PKIA: variants seen among roughly 807,000 people sequenced by gnomAD.
PKIA encodes cAMP-dependent protein kinase inhibitor alpha.
Under a neutral mutation model 7.6 loss-of-function variants are expected in PKIA, and 4 were observed. The ratio of observed to expected loss-of-function variants is 0.52; its 90% confidence interval spans 0.26 to 1.20. PKIA has a LOEUF of 1.20. PKIA is among the 50% of genes most tolerant of loss of function. PKIA has a pLI of 0.13. For missense variants in PKIA, 73 were observed against 86.2 expected, an observed-to-expected ratio of 0.85 and a Z score of 0.61; for synonymous variants, 21 against 30.7, an observed-to-expected ratio of 0.68 and a Z score of 1.04.
intron 1 of PKIA, among the ~76,000 whole-genome samples, chr8:78,528,738 G>C (rs1017880056): frequency 2.0e-5 from 3 of 151,580 alleles, no homozygotes; most frequent in Admixed American, 1.3e-4. Flanking sequence ...TGGCCAAGGT[G>C]GGGGGATCAC....
intron 2 of PKIA, among the ~76,000 whole-genome samples, chr8:78,593,224 G>A (rs1414477965): frequency 6.6e-6 from 1 of 152,162 alleles, no homozygotes. Context: ...CCGGGTTCAA[G>A]CGATTCTCCT....
chr8:78,572,517 A>T (rs1348471521), intron 1 of PKIA, among the ~76,000 whole-genome samples: 1 of 135,076 alleles, frequency 7.4e-6, no homozygotes, highest in Non-Finnish European at 1.6e-5. Flanking sequence ...TTTCCCCACC[A>T]CCCCATCACA....
intron 1 of PKIA, among the ~76,000 whole-genome samples, chr8:78,531,473 G>T (rs1806384217): frequency 6.6e-6 from 1 of 152,090 alleles, no homozygotes; most frequent in African/African-American, 2.4e-5. Flanking sequence ...ATTCATAGAA[G>T]TGAAAAATAA....
In PKIA at chr8:78,598,547, G is replaced by C. The variant is rs1563595637; in HGVS notation, c.151+12G>C. 4 of 1,598,260 alleles carry C rather than the reference G, an allele frequency of 2.5e-6. No homozygotes were observed. Among genetic ancestry groups the C allele is most frequent in the Non-Finnish European group, 3.4e-6 (4 of 1,168,892 alleles). ...TATCAACAAGACAGGTAAGTCATCT[G>C]GCACACATTTCTCTATGAGCATGGA... On this transcript the variant is annotated intron_variant, in intron 3 of 3. Coordinates refer to ENST00000396418, the MANE Select transcript of PKIA (RefSeq NM_006823.4).
chr8:78,542,162 C>CA (rs1200102485), intron 1 of PKIA, among the ~76,000 whole-genome samples: 1 of 152,026 alleles, frequency 6.6e-6, no homozygotes, highest in Non-Finnish European at 1.5e-5. Flanking sequence ...GACCCTGTCT[C>CA]AAAAAATACA....
chr8:78,572,502 A>G (rs1451246543), intron 1 of PKIA, among the ~76,000 whole-genome samples: 1 of 150,044 alleles, frequency 6.7e-6, no homozygotes, highest in Non-Finnish European at 1.5e-5. Context: ...TAGTCAACAG[A>G]TTTCTTTCCC....
chr8:78,539,457 A>G (rs566794711), intron 1 of PKIA, among the ~76,000 whole-genome samples: 2 of 152,222 alleles, frequency 1.3e-5, no homozygotes, highest in African/African-American at 4.8e-5. Context: ...ATTGATAAGT[A>G]TATTTTCTCC....
At chr8:78,575,902 T>C (rs1807663343) in intron 2 of PKIA, among the ~76,000 whole-genome samples, 1 of 152,006 alleles carries the variant, frequency 6.6e-6, no homozygotes, top group African/African-American at 2.4e-5. Flanking sequence ...TTTTACACAG[T>C]TCTGGAGGTT....
intron 1 of PKIA, among the ~76,000 whole-genome samples, chr8:78,551,713 G>A (rs1403386835): frequency 6.6e-6 from 1 of 151,948 alleles, no homozygotes; most frequent in Non-Finnish European, 1.5e-5. Context: ...TCAACACAAG[G>A]AGAATCTGTT....
intron 2 of PKIA, among the ~76,000 whole-genome samples, chr8:78,578,364 C>T (rs1467746849): frequency 2.0e-5 from 3 of 151,954 alleles, no homozygotes; most frequent in Admixed American, 6.6e-5. Flanking sequence ...TTCATCTTCA[C>T]TTACGGCATG....
Position 78,565,354 on chromosome 8 carries a change from G to A in PKIA, c.-156-7457G>A, listed in dbSNP as rs142508604. On this transcript the variant is annotated intron_variant, in intron 1 of 3. Transcript: ENST00000396418. ...TGCAGGTTGCATCTGCCAATTTCTT[G>A]TCTCTTATCCACATGATGAAGCCAT... Among the ~76,000 whole-genome samples the A allele has an allele frequency of 5.2e-3, 797 of 151,842 alleles. 10 individuals are homozygous for A. The highest frequency in any genetic ancestry group is 0.017 in the African/African-American group (719 of 41,462).
At chr8:78,594,202 T>C (rs943240191) in intron 2 of PKIA, among the ~76,000 whole-genome samples, 1 of 152,204 alleles carries the variant, frequency 6.6e-6, no homozygotes, top group Non-Finnish European at 1.5e-5. Flanking sequence ...GGTGTTTGAC[T>C]GAGTTTTGAG....
rs184377080 is a variant in PKIA, at chr8:78,560,332, A to G, written c.-156-12479A>G. ...TAATCATAAAATGTAAATTAGGTTAACTCTAAGCTTTTTCCCCACCAGAAC... is the reference window on the plus strand; with the variant it reads ...TAATCATAAAATGTAAATTAGGTTAGCTCTAAGCTTTTTCCCCACCAGAAC... On this transcript the variant is annotated intron_variant, in intron 1 of 3. Coordinates refer to ENST00000396418, the MANE Select transcript of PKIA (RefSeq NM_006823.4). Among the ~76,000 whole-genome samples, 164 of 152,274 alleles carry G rather than the reference A, an allele frequency of 1.1e-3. 1 individual carries two copies. Among genetic ancestry groups the G allele is most frequent in the African/African-American group, 3.7e-3 (154 of 41,552 alleles).
intron 2 of PKIA, among the ~76,000 whole-genome samples, chr8:78,591,825 G>T (rs553224280): frequency 2.0e-5 from 3 of 152,074 alleles, no homozygotes; most frequent in Non-Finnish European, 4.4e-5. Context: ...CTCTAGTAAA[G>T]AATCAAAGTC....
chr8:78,556,982 T>C (rs975619609), intron 1 of PKIA, among the ~76,000 whole-genome samples: 4 of 152,152 alleles, frequency 2.6e-5, no homozygotes, highest in Non-Finnish European at 1.5e-5. Flanking sequence ...ATCTTCCTAC[T>C]AATTGACTCT....
chr8:78,582,623 A>C (rs1033432270), intron 2 of PKIA, among the ~76,000 whole-genome samples: 1 of 152,134 alleles, frequency 6.6e-6, no homozygotes, highest in Non-Finnish European at 1.5e-5. Flanking sequence ...ACAAATGTCT[A>C]TAAAATTAGT....
chr8:78,579,828 G>C (rs968799217), intron 2 of PKIA, among the ~76,000 whole-genome samples: 4 of 152,024 alleles, frequency 2.6e-5, no homozygotes, highest in Non-Finnish European at 5.9e-5. Flanking sequence ...ATTCTGAACA[G>C]GAAATCAAGA....
chr8:78,567,717 A>G (rs1156987354), intron 1 of PKIA, among the ~76,000 whole-genome samples: 2 of 152,174 alleles, frequency 1.3e-5, no homozygotes, highest in African/African-American at 4.8e-5. Flanking sequence ...TACAGAAGCT[A>G]TTTGGAAGTT....
intron 2 of PKIA, among the ~76,000 whole-genome samples, chr8:78,575,992 A>G (rs1200766427): frequency 6.6e-6 from 1 of 151,966 alleles, no homozygotes; most frequent in Admixed American, 6.6e-5. Flanking sequence ...CCCTCCTGCT[A>G]TGTCATCGCA....
Sources: gnomAD v4.1 joint callset for allele counts (sites outside exome capture counted in the v4.1 genomes callset) on GRCh38, gnomAD v4.1.1 for gene constraint, MANE v1.5 for transcripts, NCBI Gene and HGNC (gene_info 2026-07-23, HGNC 2026-07-21) for gene names.